NT5DC4: variants seen among roughly 807,000 people sequenced by gnomAD.
NT5DC4 encodes 5'-nucleotidase domain containing 4, also known as 5'-nucleotidase domain-containing protein 4.
In NT5DC4, 44 loss-of-function variants were observed where a neutral mutation model predicts 26.6. That is an observed-to-expected ratio of 1.65 (90% CI 1.30 to 2.13). The LOEUF (loss-of-function observed/expected upper bound fraction) is 2.13, where lower values mean the gene tolerates loss of function less well. Ranked by LOEUF, NT5DC4 falls within the 30% of genes most tolerant of loss-of-function variation. The pLI is 0.00. For missense variants in NT5DC4, 399 were observed against 228.1 expected, an observed-to-expected ratio of 1.75 and a Z score of -4.83; for synonymous variants, 157 against 86.7, an observed-to-expected ratio of 1.81 and a Z score of -4.51.
rs376158140 is a variant in NT5DC4 at position 112,724,643 on chromosome 2, G to C, written c.790-138G>C. The C allele has an allele frequency of 7.7e-4, 483 of 624,204 alleles. 8 individuals are homozygous for C. In the South Asian group the frequency reaches 8.6e-3, roughly 11 times the overall value. 38.7% of individuals were successfully genotyped at this position (624,204 alleles called of 1,614,324 possible). A position where few individuals can be genotyped will look rare whatever the true frequency, so the allele number is the denominator to read the frequency against. On this transcript the variant is annotated intron_variant, in intron 10 of 16. Transcript: ENST00000688554. ...CTTGGCTGGGGAAGCTGGGCAGCGA[G>C]ACCGGGTTCCCAGGGGCTGAAGAGG...
intron 10 of NT5DC4, chr2:112,724,485 C>A (rs929600056): frequency 1.8e-6 from 1 of 570,796 alleles, no homozygotes; most frequent in Non-Finnish European, 3.1e-6. Flanking sequence ...AGGGCCCTAA[C>A]TAGGTAGCCG....
intron 6 of NT5DC4, 145 bp downstream of exon 6, chr2:112,722,916 G>GCCCC (rs749522177): frequency 0.96 from 635,044 of 658,540 alleles, 307,288 homozygotes; most frequent in Non-Finnish European, 0.99. Context: ...TTGCAGGCTA[G>GCCCC]CACACACCCT....
At chr2:112,742,275 C>T (rs1347096568), downstream of NT5DC4, 2 of 673,868 alleles carry the variant, frequency 3.0e-6, no homozygotes, top group African/African-American at 1.8e-5. Context: ...GTTATGACCA[C>T]TGACAGTGAT....
chr2:112,722,391 G>A, intron 4 of NT5DC4, 92 bp from the exon 5 acceptor site: 1 of 713,422 alleles, frequency 1.4e-6, no homozygotes, highest in South Asian at 1.5e-5. Context: ...TGGAGGCTCA[G>A]CACAGAAGGG....
downstream of NT5DC4, chr2:112,742,697 T>C: frequency 6.4e-7 from 1 of 1,556,582 alleles, no homozygotes; most frequent in Non-Finnish European, 8.8e-7. Context: ...AATTCAAAAA[T>C]AATAGTACCT....
At chr2:112,722,653 G>A (rs549140392) in intron 5 of NT5DC4, 61 bp from the exon 6 acceptor site, 2 of 717,502 alleles carry the variant, frequency 2.8e-6, no homozygotes, top group Non-Finnish European at 5.2e-6. Flanking sequence ...TCCCAGCTCT[G>A]TCCTGGTGGA....
intron 15 of NT5DC4, chr2:112,727,125 T>G: frequency 4.3e-6 from 1 of 230,572 alleles, no homozygotes. Flanking sequence ...AAGACAGTGT[T>G]CCCTTGTGGC....
chr2:112,739,681 G>C (rs1472318371), downstream of NT5DC4, among the ~76,000 whole-genome samples: 1 of 152,160 alleles, frequency 6.6e-6, no homozygotes, highest in South Asian at 2.1e-4. Flanking sequence ...TAAAGACAGG[G>C]TCTCACTCTG....
At chr2:112,727,031 G>A in intron 15 of NT5DC4, 1 of 489,450 alleles carries the variant, frequency 2.0e-6, no homozygotes, top group African/African-American at 1.9e-5. Context: ...CGTGCTAGCT[G>A]GGCCCTTATT....
intron 13 of NT5DC4, among the ~76,000 whole-genome samples, chr2:112,725,820 G>T (rs534157096): frequency 6.6e-6 from 1 of 152,000 alleles, no homozygotes; most frequent in Non-Finnish European, 1.5e-5. Context: ...TTCTGCAGGC[G>T]GTGCCTTCCT....
chr2:112,742,751 T>A (rs746117908), downstream of NT5DC4: 1 of 1,609,646 alleles, frequency 6.2e-7, no homozygotes, highest in Non-Finnish European at 8.5e-7. Flanking sequence ...AGAACAACTT[T>A]CCGCAACTCT....
At chr2:112,719,479 G>GTT (rs1283547468), upstream of NT5DC4, among the ~76,000 whole-genome samples, 1 of 94,998 alleles carries the variant, frequency 1.1e-5, no homozygotes, top group African/African-American at 3.5e-5. Context: ...AAACTTGTCT[G>GTT]TCTTTTTTTT....
In NT5DC4 at chr2:112,723,394, C is replaced by CACACACACAG. The variant is rs752115339; in HGVS notation, c.622-23_622-22insCACACACAGA. On this transcript the variant is annotated intron_variant, in intron 7 of 16. Transcript: ENST00000688554. ...ACACACACACACACACACACACACA[C>CACACACACAG]AGGCACTTTGCTCCCTCCTGCAGGG... is the stretch of plus-strand genomic sequence containing the variant. 2.0e-3 allele frequency: 1,413 copies of CACACACACAG among 715,656 alleles called. 8 individuals are homozygous for CACACACACAG. The African/African-American group carries it at 0.022, about 11-fold the overall frequency. 44.3% of individuals were successfully genotyped at this position (715,656 alleles called of 1,614,324 possible). A position where few individuals can be genotyped will look rare whatever the true frequency, so the allele number is the denominator to read the frequency against.
intron 1 of NT5DC4, 84 bp from the exon 2 acceptor site, chr2:112,721,734 C>G: frequency 1.4e-6 from 1 of 716,566 alleles, no homozygotes; most frequent in Non-Finnish European, 2.6e-6. Flanking sequence ...CCCTCCTCTG[C>G]GGGGTTTCCA....
chr2:112,730,707 A>C (rs1678386085), intron 16 of NT5DC4, among the ~76,000 whole-genome samples: 1 of 152,204 alleles, frequency 6.6e-6, no homozygotes, highest in Admixed American at 6.5e-5. Context: ...GGTCCCCTTT[A>C]GCTGGGTTGT....
chr2:112,734,167 ATATGTG>A (rs1678789795), intron 16 of NT5DC4, among the ~76,000 whole-genome samples: 1 of 5,270 alleles, frequency 1.9e-4, no homozygotes, highest in African/African-American at 4.2e-4. Flanking sequence ...GCTATTATAT[ATATGTG>A]TGTGTGTGTG....
upstream of NT5DC4, among the ~76,000 whole-genome samples, chr2:112,719,959 TTTC>T (rs1676719247): frequency 5.4e-5 from 7 of 129,488 alleles, no homozygotes; most frequent in African/African-American, 1.8e-4. Flanking sequence ...TCTTTCTTTC[TTTC>T]TTTCTTTCTT....
intron 15 of NT5DC4, among the ~76,000 whole-genome samples, chr2:112,727,917 C>G (rs554836332): frequency 3.7e-4 from 57 of 152,402 alleles, no homozygotes; most frequent in African/African-American, 1.3e-3. Context: ...TACACTGCCG[C>G]CTGCCTCGAC....
At chr2:112,725,663 C>T (rs1677611296) in intron 13 of NT5DC4, 111 bp downstream of exon 13, 1 of 563,004 alleles carries the variant, frequency 1.8e-6, no homozygotes, top group Admixed American at 3.0e-5. Flanking sequence ...GACCAGGAAT[C>T]CTGGCCACTC....
Sources: gnomAD v4.1 joint callset for allele counts (sites outside exome capture counted in the v4.1 genomes callset) on GRCh38, gnomAD v4.1.1 for gene constraint, MANE v1.5 for transcripts, NCBI Gene and HGNC (gene_info 2026-07-23, HGNC 2026-07-21) for gene names.